The following HSPA14 variants were observed in gnomAD, a reference collection of about 807,000 sequenced individuals.
HSPA14 encodes the protein heat shock 70 kDa protein 14.
In HSPA14, 37 loss-of-function variants were observed where a neutral mutation model predicts 65.5. That is an observed-to-expected ratio of 0.56 (90% CI 0.43 to 0.74). The LOEUF is 0.74. Among genes scored for constraint, HSPA14 ranks in the 30% least tolerant of loss-of-function variants. HSPA14 has a pLI of 0.00. For synonymous variants in HSPA14, 203 were observed against 214.2 expected (o/e 0.95, Z 0.46); for missense variants, 564 against 607.6 (o/e 0.93, Z 0.75).
chr10:14,852,341 CTGATAACT>C, intron 7 of HSPA14, 21 bp from the exon 8 acceptor site: 1 of 1,589,114 alleles, frequency 6.3e-7, no homozygotes, highest in Non-Finnish European at 8.6e-7. Context: ...ATGTTATTCC[CTGATAACT>C]TACTTTATCT....
intron 3 of HSPA14, chr10:14,846,268 A>C (rs1303753278): frequency 1.0e-6 from 1 of 985,300 alleles, no homozygotes; most frequent in African/African-American, 1.7e-5. Flanking sequence ...ACACAGAAGT[A>C]CTTGACGGAG....
intron 3 of HSPA14, chr10:14,844,068 A>G: frequency 7.0e-7 from 1 of 1,426,402 alleles, no homozygotes; most frequent in Non-Finnish European, 9.1e-7. Context: ...TCTCCACCAA[A>G]TGGAAGACCT....
chr10:14,870,273 T>TA (rs1243880729), intron 12 of HSPA14, among the ~76,000 whole-genome samples: 2 of 152,132 alleles, frequency 1.3e-5, no homozygotes, highest in Admixed American at 6.5e-5. Flanking sequence ...ATGGCTTACT[T>TA]ACCAAAAAAG....
rs2131633775 is a variant in HSPA14 at position 14,840,146 on chromosome 10, C to T, written c.210C>T (p.Ile70=). Residue 70 remains isoleucine (I), a synonymous_variant, in exon 3 of 14, where the codon ATC becomes ATT. Coordinates refer to ENST00000378372, the MANE Select transcript of HSPA14 (RefSeq NM_016299.4). The part of the protein sequence containing the change: ...ISNTVMKVKQ[I]LGRSSSDPQA... ...ATACAGTAATGAAAGTAAAGCAGAT[C>T]CTGGGCAGAAGGTATGGAATCAAAT... 1 of 1,434,282 alleles carries T rather than the reference C, an allele frequency of 7.0e-7. No homozygotes were observed. The highest frequency in any genetic ancestry group is 2.5e-5 in the East Asian group (1 of 40,810). The allele number at this position is 1,434,282 out of a possible 1,614,324, so 88.8% of individuals were successfully genotyped here. A position where few individuals can be genotyped will look rare whatever the true frequency, so the allele number is the denominator to read the frequency against.
chr10:14,842,899 C>A lies in HSPA14; in HGVS notation c.221+2742C>A. On this transcript the variant is annotated intron_variant, in intron 3 of 13. Transcript: ENST00000378372. This position sits in a 1 kb window ranked among gnomAD's most constrained non-coding sequence, Gnocchi z 5.2. ...GGTCCCAGAGTCTTGTGGCTCTAAA[C>A]ATTTAGCTGTGTCTGTTTGGATAGT... 1.6e-6 allele frequency: 2 copies of A among 1,245,662 alleles called. No homozygotes were observed. The highest frequency in any genetic ancestry group is 2.5e-5 in the Admixed American group (1 of 40,498). 77.2% of individuals were successfully genotyped at this position (1,245,662 alleles called of 1,614,324 possible).
intron 7 of HSPA14, 59 bp from the exon 8 acceptor site, chr10:14,852,311 A>C (rs1588812461): frequency 2.9e-6 from 4 of 1,386,152 alleles, no homozygotes; most frequent in African/African-American, 1.4e-5. Flanking sequence ...GTGACTTCTA[A>C]TATCCAACTT....
Position 14,867,100 on chromosome 10 carries a change from G to A in HSPA14, c.1011G>A (p.Gly337=). Residue 337 remains glycine, a synonymous_variant, in exon 11 of 14, where the codon GGG becomes GGA. Transcript: ENST00000378372. ...TTCTCTAGGTTGTCCTTTGTGGAGG[G>A]TCTTCTCGAATCCCAAAGCTACAGC... is the stretch of plus-strand genomic sequence containing the variant. ...DDINKVVLCG[G]SSRIPKLQQL... 2 of 1,612,870 alleles carry A rather than the reference G, an allele frequency of 1.2e-6. No homozygotes were observed. The highest frequency in any genetic ancestry group is 8.5e-7 in the Non-Finnish European group (1 of 1,179,018).
chr10:14,868,402 G>A (rs1308108578), intron 12 of HSPA14, among the ~76,000 whole-genome samples: 1 of 152,000 alleles, frequency 6.6e-6, no homozygotes, highest in Non-Finnish European at 1.5e-5. Flanking sequence ...AAAATACCGC[G>A]TGCATATCTT....
chr10:14,862,030 AT>A (rs140405636), intron 10 of HSPA14, among the ~76,000 whole-genome samples: 60,812 of 133,540 alleles, frequency 0.46, 15,091 homozygotes, highest in African/African-American at 0.72. Flanking sequence ...AAAGAAATAG[AT>A]TTTTTTTTTT....
intron 10 of HSPA14, among the ~76,000 whole-genome samples, chr10:14,859,691 C>T (rs1832735954): frequency 6.6e-6 from 1 of 152,148 alleles, no homozygotes; most frequent in African/African-American, 2.4e-5. Context: ...ATACAACAGT[C>T]TTTGTAACTT....
intron 11 of HSPA14, 102 bp from the exon 12 acceptor site, chr10:14,867,629 GTGTCC>G (rs1479455273): frequency 2.2e-6 from 2 of 920,044 alleles, no homozygotes; most frequent in Non-Finnish European, 3.3e-6. Context: ...TCTTTGCCTA[GTGTCC>G]TGTTTATCAA....
chr10:14,842,249 G>A lies in HSPA14; in HGVS notation c.221+2092G>A. 1 of 1,535,300 alleles carries A rather than the reference G, an allele frequency of 6.5e-7. No individual in the cohort carries two copies. The highest frequency in any genetic ancestry group is 8.7e-7 in the Non-Finnish European group (1 of 1,146,324). On this transcript the variant is annotated intron_variant, in intron 3 of 13. Transcript: ENST00000378372. The surrounding 1 kb of genome is among the most constrained non-coding windows in gnomAD (Gnocchi z 5.2). The stretch of plus-strand genomic sequence containing the variant: ...CACACCTTCAGACTTGCACCTTGCT[G>A]TCCAGAAGCTGCCTAGCCCTCCTTT...
chr10:14,870,474 C>G, intron 12 of HSPA14, 123 bp from the exon 13 acceptor site: 1 of 1,074,902 alleles, frequency 9.3e-7, no homozygotes, highest in Non-Finnish European at 1.3e-6. Flanking sequence ...GAATTGAAAA[C>G]TGCCCTATTT....
intron 10 of HSPA14, among the ~76,000 whole-genome samples, chr10:14,865,508 A>G (rs1222187409): frequency 6.6e-6 from 1 of 152,216 alleles, no homozygotes; most frequent in Non-Finnish European, 1.5e-5. Context: ...TATAAGGTGT[A>G]AGGAAGAGAT....
At chr10:14,852,245 GTTATTCACC>G in intron 7 of HSPA14, 116 bp from the exon 8 acceptor site, 2 of 748,706 alleles carry the variant, frequency 2.7e-6, no homozygotes, top group Non-Finnish European at 4.4e-6. Flanking sequence ...AGACAACTTA[GTTATTCACC>G]TGAGATTTTC....
Position 14,852,451 on chromosome 10 carries a change from T to C in HSPA14, c.654T>C (p.Leu218=). The C allele has an allele frequency of 1.2e-6, 2 of 1,614,014 alleles. No homozygotes were observed. Among genetic ancestry groups the C allele is most frequent in the Non-Finnish European group, 1.7e-6 (2 of 1,179,882 alleles). Residue 218 remains leucine, a synonymous_variant, in exon 8 of 14, where the codon CTT becomes CTC. Transcript: ENST00000378372. ...TTAACAGTGGAATATATCGGGTTCT[T>C]TCAACAAACACTGATGATAACATCG... is the stretch of plus-strand genomic sequence containing the variant. ...MEVNSGIYRV[L]STNTDDNIGG... is the part of the protein sequence containing the mutation.
At chr10:14,859,097 T>C (rs1363813850) in intron 10 of HSPA14, among the ~76,000 whole-genome samples, 4 of 152,154 alleles carry the variant, frequency 2.6e-5, no homozygotes, top group Non-Finnish European at 5.9e-5. Context: ...ATGTGCAGAC[T>C]TTTCCCTTCT....
Position 14,849,762 on chromosome 10 carries a change from G to C in HSPA14, c.418G>C (p.Val140Leu). Residue 140 changes from valine (V) to leucine (L), a missense_variant, in exon 6 of 14, where the codon GTT (valine) becomes CTT (leucine). By Grantham distance (32) the Val-to-Leu change is conservative. Transcript: ENST00000378372. ...ATTGGGCTCAGATGCAAATGATGTAGTTATTACTGTCCCGTTTGATTTTGG... is the reference window on the plus strand; with the variant it reads ...ATTGGGCTCAGATGCAAATGATGTACTTATTACTGTCCCGTTTGATTTTGG... Reference protein sequence around the residue: ...SVLGSDANDVVITVPFDFGEK... With the variant: ...SVLGSDANDVLITVPFDFGEK... The C allele has an allele frequency of 6.2e-7, 1 of 1,613,636 alleles. No individual in the cohort carries two copies.
At chr10:14,846,108 C>G (rs1406723969) in intron 3 of HSPA14, 1 of 982,870 alleles carries the variant, frequency 1.0e-6, no homozygotes, top group African/African-American at 1.8e-5. Flanking sequence ...AAGTGCCACA[C>G]CAGACATATA....
Sources: gnomAD v4.1 joint callset for allele counts (sites outside exome capture counted in the v4.1 genomes callset) on GRCh38, gnomAD v4.1.1 for gene constraint, Gnocchi (gnomAD v3.1) non-coding constraint, MANE v1.5 for transcripts, NCBI Gene and HGNC (gene_info 2026-07-23, HGNC 2026-07-21) for gene names.